Variants in RIMS2 observed in about 807,000 individuals in gnomAD.
The protein encoded by RIMS2 is regulating synaptic membrane exocytosis 2, also known as regulating synaptic membrane exocytosis protein 2.
In RIMS2, 59 loss-of-function variants were observed where a neutral mutation model predicts 174.4. That is an observed-to-expected ratio of 0.34 (90% confidence interval 0.27 to 0.42). The LOEUF is 0.42. Ranked by LOEUF, RIMS2 falls within the 10% of genes least tolerant of loss-of-function variation. RIMS2 has a pLI of 1.00. For synonymous variants in RIMS2, 606 were observed against 572.5 expected (o/e 1.06, Z -0.84); for missense variants, 1,620 against 1,666.3 (o/e 0.97, Z 0.48).
chr8:103,757,922 C>T (rs991126185), intron 2 of RIMS2, among the ~76,000 whole-genome samples: 23 of 152,308 alleles, frequency 1.5e-4, no homozygotes, highest in African/African-American at 4.8e-4. Context: ...TCCCTAGAGC[C>T]TTCTGAAGGA....
At chr8:104,193,646 T>C (rs1299272491) in intron 19 of RIMS2, among the ~76,000 whole-genome samples, 3 of 152,188 alleles carry the variant, frequency 2.0e-5, no homozygotes, top group Non-Finnish European at 4.4e-5. Context: ...CATGCCAATA[T>C]CAGTACATCT....
intron 15 of RIMS2, among the ~76,000 whole-genome samples, chr8:103,964,116 A>G (rs11997364): frequency 0.03 from 4,631 of 152,304 alleles, 213 homozygotes; most frequent in African/African-American, 0.1. Context: ...GCAATTATAA[A>G]TAAAGCTGCT....
intron 3 of RIMS2, among the ~76,000 whole-genome samples, chr8:103,776,458 A>C (rs1000383370): frequency 6.6e-6 from 1 of 152,102 alleles, no homozygotes; most frequent in Non-Finnish European, 1.5e-5. Context: ...GAGGTTGAAC[A>C]GTCCTGTCAT....
chr8:104,188,631 A>G (rs2098981994), intron 19 of RIMS2, among the ~76,000 whole-genome samples: 1 of 151,814 alleles, frequency 6.6e-6, no homozygotes, highest in South Asian at 2.1e-4. Flanking sequence ...ATTACAGTTT[A>G]CTCTAAATGC....
In RIMS2 at chr8:104,093,470, G is replaced by A; in HGVS notation, c.3334+78855G>A. On this transcript the variant is annotated intron_variant, in intron 19 of 23. Coordinates refer to ENST00000504942, the Ensembl canonical transcript of RIMS2. ...GCGTATTTGTCAATCTGTGTTAACAGTATCGATCAGGATGGGATCCTCATA... is the reference window on the plus strand; with the variant it reads ...GCGTATTTGTCAATCTGTGTTAACAATATCGATCAGGATGGGATCCTCATA... 1 of 1,592,636 alleles carries A rather than the reference G, an allele frequency of 6.3e-7. No individual in the cohort carries two copies. Among genetic ancestry groups the A allele is most frequent in the Non-Finnish European group, 8.5e-7 (1 of 1,175,728 alleles).
chr8:104,077,884 C>T (rs1198498963), intron 19 of RIMS2, among the ~76,000 whole-genome samples: 5 of 151,464 alleles, frequency 3.3e-5, no homozygotes, highest in East Asian at 2.0e-4. Context: ...GGCTCACGCC[C>T]GTAATCCCAG....
intron 19 of RIMS2, among the ~76,000 whole-genome samples, chr8:104,165,599 T>G (rs2098792050): frequency 6.6e-6 from 1 of 152,140 alleles, no homozygotes; most frequent in Admixed American, 6.5e-5. Context: ...TGCTGTATCT[T>G]TTTGGTCCTT....
chr8:103,660,449 G>A (rs2096585041), intron 1 of RIMS2, among the ~76,000 whole-genome samples: 1 of 152,196 alleles, frequency 6.6e-6, no homozygotes, highest in Admixed American at 6.5e-5. Context: ...TCGAGGCTGA[G>A]AAGGCACAGG....
intron 19 of RIMS2, among the ~76,000 whole-genome samples, chr8:104,148,080 C>A (rs941476604): frequency 2.0e-5 from 3 of 151,580 alleles, no homozygotes; most frequent in Non-Finnish European, 2.9e-5. Flanking sequence ...AAATAGCAAG[C>A]CTTTTTAGAA....
At chr8:103,847,270 T>C (rs1346274881) in intron 3 of RIMS2, among the ~76,000 whole-genome samples, 2 of 152,180 alleles carry the variant, frequency 1.3e-5, no homozygotes, top group East Asian at 3.9e-4. Flanking sequence ...CTGTGAATTC[T>C]ACGTATCGGG....
Position 104,172,627 on chromosome 8 carries a change from T to A in RIMS2, c.3335-72289T>A, listed in dbSNP as rs528658574. Among the ~76,000 whole-genome samples the A allele has an allele frequency of 2.4e-4, 36 of 152,310 alleles. No homozygotes were observed. In the South Asian group the frequency reaches 7.3e-3, roughly 31 times the overall value. On this transcript the variant is annotated intron_variant, in intron 19 of 23. Coordinates refer to ENST00000504942, the Ensembl canonical transcript of RIMS2. ...ACATGATCCACAAAGCCTAAAATAT[T>A]TGCCATATGGCCCTTAACAGAAAAA...
At chr8:104,081,864 C>T (rs1302091809) in intron 19 of RIMS2, among the ~76,000 whole-genome samples, 3 of 151,818 alleles carry the variant, frequency 2.0e-5, no homozygotes, top group East Asian at 1.9e-4. Context: ...GGTTCAGTAC[C>T]GGGTAACTTT....
At chr8:104,222,901 CT>C (rs2138614006) in intron 19 of RIMS2, among the ~76,000 whole-genome samples, 1 of 152,224 alleles carries the variant, frequency 6.6e-6, no homozygotes, top group South Asian at 2.1e-4. Flanking sequence ...CTTTAGTTCA[CT>C]TTTTATCATT....
At chr8:103,958,681 T>C (rs908020751) in intron 14 of RIMS2, among the ~76,000 whole-genome samples, 1 of 152,196 alleles carries the variant, frequency 6.6e-6, no homozygotes, top group Non-Finnish European at 1.5e-5. Context: ...ATGACTGAAA[T>C]ATAATTTAAG....
intron 3 of RIMS2, among the ~76,000 whole-genome samples, chr8:103,782,670 A>C (rs1051980022): frequency 6.6e-6 from 1 of 152,128 alleles, no homozygotes; most frequent in Non-Finnish European, 1.5e-5. Context: ...AATATTATAC[A>C]TCTTTACCAG....
chr8:103,585,134 T>G (rs2093838641), intron 1 of RIMS2, among the ~76,000 whole-genome samples: 2 of 151,968 alleles, frequency 1.3e-5, no homozygotes, highest in Admixed American at 1.3e-4. Flanking sequence ...AACAAACATA[T>G]GAAAAACAGG....
intron 19 of RIMS2, among the ~76,000 whole-genome samples, chr8:104,177,786 TA>T (rs750464276): frequency 1.3e-5 from 2 of 152,178 alleles, no homozygotes; most frequent in Non-Finnish European, 2.9e-5. Flanking sequence ...AGACCATATT[TA>T]TTTTTTTACT....
At chr8:103,974,423 C>T (rs1269113796) in intron 15 of RIMS2, among the ~76,000 whole-genome samples, 2 of 152,128 alleles carry the variant, frequency 1.3e-5, no homozygotes, top group African/African-American at 4.8e-5. Context: ...GATAATATTA[C>T]TTCCTGCTCA....
At chr8:103,753,103 C>T (rs2139813521) in intron 2 of RIMS2, among the ~76,000 whole-genome samples, 1 of 152,164 alleles carries the variant, frequency 6.6e-6, no homozygotes, top group Admixed American at 6.6e-5. Context: ...TTTTGAGATA[C>T]ATCCCATCAA....
Sources: allele counts gnomAD v4.1 joint callset (sites outside exome capture counted in the v4.1 genomes callset), GRCh38; gene constraint gnomAD v4.1.1; transcripts MANE v1.5; gene names NCBI Gene and HGNC (gene_info 2026-07-23, HGNC 2026-07-21).